The following TMEM167B variants were observed in gnomAD, a reference collection of about 807,000 sequenced individuals.
TMEM167B encodes transmembrane protein 167B, also known as protein kish-B.
TMEM167B carries 2 observed loss-of-function variants against 9.4 expected under a neutral mutation model. The ratio of observed to expected loss-of-function variants is 0.21; its 90% CI spans 0.09 to 0.67. The LOEUF (loss-of-function observed/expected upper bound fraction) is 0.67. Among genes scored for constraint, TMEM167B ranks in the 30% least tolerant of loss-of-function variants. The pLI is 0.82. For missense variants in TMEM167B, 68 were observed against 87.6 expected, an observed-to-expected ratio of 0.78 and a Z score of 0.89; for synonymous variants, 28 against 32.0, an observed-to-expected ratio of 0.87 and a Z score of 0.42.
Position 109,096,538 on chromosome 1 carries a change from C to A in TMEM167B, c.*2039C>A, listed in dbSNP as rs1250103157. The A allele has an allele frequency of 2.0e-5, 3 of 152,174 alleles. No homozygotes were observed. The highest frequency in any genetic ancestry group is 7.2e-5 in the African/African-American group (3 of 41,438). 9.4% of individuals were successfully genotyped at this position (152,174 alleles called of 1,614,324 possible). ...CAGCCTCCTGGGTGGGTCGTCTTGA[C>A]CCAAACTCTTGTGTTGTTACATTTT... is the stretch of plus-strand genomic sequence containing the variant. On this transcript the variant is annotated 3_prime_UTR_variant, in exon 3 of 3. Coordinates refer to ENST00000338272, the MANE Select transcript of TMEM167B (RefSeq NM_020141.4).
At chr1:109,093,962 C>T (rs1433582551) in intron 2 of TMEM167B, among the ~76,000 whole-genome samples, 1 of 152,110 alleles carries the variant, frequency 6.6e-6, no homozygotes, top group South Asian at 2.1e-4. Context: ...CATGGTGAAA[C>T]CCTGTCTCTA....
At chr1:109,092,225 G>A (rs573025502) in intron 1 of TMEM167B, among the ~76,000 whole-genome samples, 2 of 152,098 alleles carry the variant, frequency 1.3e-5, no homozygotes, top group South Asian at 4.2e-4. Context: ...GCAGAAATTC[G>A]GTTTGTTAAG....
At position 109,093,127 on chromosome 1, in the gene TMEM167B, G is replaced by GA. The variant is rs1664487901; in HGVS notation, c.142+113dup. 8.2e-6 allele frequency: 12 copies of GA among 1,461,734 alleles called. No homozygotes were observed. In the South Asian group the frequency reaches 9.3e-5, roughly 11 times the overall value. 90.5% of individuals were successfully genotyped at this position (1,461,734 alleles called of 1,614,324 possible). ...GGGATTATATTTGGTTTCATTTTTA[G>GA]AAAAAAATCCCTCCGATTGGGTCTG... is the stretch of plus-strand genomic sequence containing the variant. On this transcript the variant is annotated intron_variant, in intron 2 of 2. Transcript: ENST00000338272.
intron 2 of TMEM167B, among the ~76,000 whole-genome samples, chr1:109,094,080 G>C (rs1368770058): frequency 6.6e-6 from 1 of 152,196 alleles, no homozygotes; most frequent in Non-Finnish European, 1.5e-5. Flanking sequence ...AAGAGTTCAA[G>C]ACCAGCCTGG....
rs1373589810 is a variant in TMEM167B at position 109,095,115 on chromosome 1, G to C, written c.*616G>C. ...GCTGTGTTATGTGCTGGTATCTTGA[G>C]AGTTTTGCCAAGAAAATCTGGGCCT... On this transcript the variant is annotated 3_prime_UTR_variant, in exon 3 of 3. Transcript: ENST00000338272. The C allele has an allele frequency of 3.3e-5, 5 of 152,212 alleles. No individual in the cohort carries two copies. The highest frequency in any genetic ancestry group is 1.2e-4 in the African/African-American group (5 of 41,440). The allele number at this position is 152,212 out of a possible 1,614,324, so 9.4% of individuals were successfully genotyped here. A position where few individuals can be genotyped will look rare whatever the true frequency, so the allele number is the denominator to read the frequency against.
In TMEM167B at chr1:109,094,573, A is replaced by ACACT; in HGVS notation, c.*74_*75insCACT. On this transcript the variant is annotated 3_prime_UTR_variant, in exon 3 of 3. Transcript: ENST00000338272. The stretch of plus-strand genomic sequence containing the variant: ...AAGAACCTGTTGGAGACCTGAACCC[A>ACACT]GTGTAGGAGAGTTCAGCTGAAATCA... The ACACT allele has an allele frequency of 7.1e-7, 1 of 1,404,140 alleles. No individual in the cohort carries two copies. The highest frequency in any genetic ancestry group is 1.0e-6 in the Non-Finnish European group (1 of 992,706). The allele number at this position is 1,404,140 out of a possible 1,614,324, so 87.0% of individuals were successfully genotyped here. A position where few individuals can be genotyped will look rare whatever the true frequency, so the allele number is the denominator to read the frequency against.
Position 109,094,543 on chromosome 1 carries a change from G to C in TMEM167B, c.*44G>C. The C allele has an allele frequency of 6.3e-7, 1 of 1,596,954 alleles. No individual in the cohort carries two copies. Among genetic ancestry groups the C allele is most frequent in the Non-Finnish European group, 8.6e-7 (1 of 1,165,678 alleles). ...CATCAACTGCCAACCAAGGGGACGG[G>C]GATGAAGAACCTGTTGGAGACCTGA... On this transcript the variant is annotated 3_prime_UTR_variant, in exon 3 of 3. Coordinates refer to ENST00000338272, the MANE Select transcript of TMEM167B (RefSeq NM_020141.4).
At chr1:109,091,837 G>C (rs1664457819) in intron 1 of TMEM167B, 1 of 152,192 alleles carries the variant, frequency 6.6e-6, no homozygotes, top group Non-Finnish European at 1.5e-5. Flanking sequence ...TTTTACTGGA[G>C]GAAGAGAGGT....
At chr1:109,091,924 G>A (rs1257311097) in intron 1 of TMEM167B, among the ~76,000 whole-genome samples, 1 of 152,142 alleles carries the variant, frequency 6.6e-6, no homozygotes, top group Non-Finnish European at 1.5e-5. Context: ...GAGGTCTCAG[G>A]ATACTAGGCA....
chr1:109,090,825 T>C lies in TMEM167B; in HGVS notation c.-48T>C. ...GCGGGCGCTCCCCCATCTCCGCCGCTATTACCACTGAACCCGGACCCCCTA... is the reference window on the plus strand; with the variant it reads ...GCGGGCGCTCCCCCATCTCCGCCGCCATTACCACTGAACCCGGACCCCCTA... On this transcript the variant is annotated 5_prime_UTR_variant, in exon 1 of 3. Coordinates refer to ENST00000338272, the MANE Select transcript of TMEM167B (RefSeq NM_020141.4). 1 of 1,572,390 alleles carries C rather than the reference T, an allele frequency of 6.4e-7. No homozygotes were observed. The highest frequency in any genetic ancestry group is 1.8e-5 in the Admixed American group (1 of 54,568).
rs143655446 is a variant in TMEM167B, at chr1:109,093,266, A to G, written c.142+245A>G. 369 of 452,272 alleles carry G rather than the reference A, an allele frequency of 8.2e-4. 2 individuals carry two copies. The highest frequency in any genetic ancestry group is 6.8e-3 in the African/African-American group (342 of 50,472). 28.0% of individuals were successfully genotyped at this position (452,272 alleles called of 1,614,324 possible). On this transcript the variant is annotated intron_variant, in intron 2 of 2. Coordinates refer to ENST00000338272, the MANE Select transcript of TMEM167B (RefSeq NM_020141.4). The stretch of plus-strand genomic sequence containing the variant: ...CAGCACTTTGGGGGGCCAAGGCAGG[A>G]GGATTGCTTGTGTCCAGGAGTTGTA...
intron 1 of TMEM167B, among the ~76,000 whole-genome samples, chr1:109,091,290 T>C (rs550785881): frequency 9.8e-5 from 15 of 152,298 alleles, no homozygotes; most frequent in African/African-American, 3.6e-4. Context: ...TGACATAGAA[T>C]ATCAAGTCCC....
chr1:109,094,076 T>A (rs1360862449), intron 2 of TMEM167B, among the ~76,000 whole-genome samples: 1 of 152,080 alleles, frequency 6.6e-6, no homozygotes, highest in Non-Finnish European at 1.5e-5. Flanking sequence ...GGTCAAGAGT[T>A]CAAGACCAGC....
At position 109,090,896 on chromosome 1, in the gene TMEM167B, C is replaced by G; in HGVS notation, c.10+14C>G. 6.3e-7 allele frequency: 1 copy of G among 1,589,296 alleles called. No individual in the cohort carries two copies. The highest frequency in any genetic ancestry group is 8.6e-7 in the Non-Finnish European group (1 of 1,167,012). ...CCATGACGAACGGTGAGAACTGATG[C>G]CCTGAGCGGAGGGTGGGAGTGAAGG... On this transcript the variant is annotated intron_variant, in intron 1 of 2. Coordinates refer to ENST00000338272, the MANE Select transcript of TMEM167B (RefSeq NM_020141.4).
intron 2 of TMEM167B, 103 bp from the exon 3 acceptor site, chr1:109,094,314 C>G: frequency 2.7e-6 from 3 of 1,124,258 alleles, no homozygotes; most frequent in Non-Finnish European, 4.0e-6. Flanking sequence ...CCCTTGAGAG[C>G]GTTGATATGT....
At chr1:109,090,979 C>T (rs2102125574) in intron 1 of TMEM167B, 97 bp downstream of exon 1, 1 of 1,439,674 alleles carries the variant, frequency 6.9e-7, no homozygotes, top group Non-Finnish European at 9.4e-7. Context: ...TCCCCGCCCC[C>T]TCCCAGCCCG....
chr1:109,094,344 T>C, intron 2 of TMEM167B, 73 bp from the exon 3 acceptor site: 1 of 1,494,280 alleles, frequency 6.7e-7, no homozygotes, highest in African/African-American at 1.4e-5. Flanking sequence ...ACTAGAGACT[T>C]CAAAATATCA....
intron 1 of TMEM167B, among the ~76,000 whole-genome samples, 173 bp from the exon 2 acceptor site, chr1:109,092,717 T>C (rs1256890778): frequency 1.3e-5 from 2 of 152,070 alleles, no homozygotes; most frequent in East Asian, 3.9e-4. Flanking sequence ...AACAGTAAAA[T>C]AATCGTGTTA....
In TMEM167B at chr1:109,094,903, G is replaced by C. The variant is rs1664533274; in HGVS notation, c.*404G>C. 1 of 158,550 alleles carries C rather than the reference G, an allele frequency of 6.3e-6. No individual in the cohort carries two copies. The highest frequency in any genetic ancestry group is 1.4e-5 in the Non-Finnish European group (1 of 72,434). 9.8% of individuals were successfully genotyped at this position (158,550 alleles called of 1,614,324 possible). ...TGTGTTCAGACTTCTTTTGAAGAGA[G>C]AGAATTTTCAAGACTTCTTTTCACT... On this transcript the variant is annotated 3_prime_UTR_variant, in exon 3 of 3. Transcript: ENST00000338272.
Sources: allele counts gnomAD v4.1 joint callset (sites outside exome capture counted in the v4.1 genomes callset), GRCh38; gene constraint gnomAD v4.1.1; transcripts MANE v1.5; gene names NCBI Gene and HGNC (gene_info 2026-07-23, HGNC 2026-07-21).